NTRK3: variants seen among roughly 807,000 people sequenced by gnomAD.
NTRK3 encodes the protein neurotrophic receptor tyrosine kinase 3, also known as NT-3 growth factor receptor.
Under a neutral mutation model 91.7 loss-of-function variants are expected in NTRK3, and 24 were observed. The observed-to-expected ratio is 0.26, with a 90% CI of 0.19 to 0.37. NTRK3 has a LOEUF of 0.37. Among genes scored for constraint, NTRK3 ranks in the 10% least tolerant of loss-of-function variants. The pLI is 1.00. For missense variants in NTRK3, 880 were observed against 1,068.9 expected (o/e 0.82, Z 2.46); for synonymous variants, 483 against 404.0 (o/e 1.20, Z -2.34).
At chr15:87,934,237 C>T (rs2069067954) in intron 15 of NTRK3, among the ~76,000 whole-genome samples, 1 of 152,212 alleles carries the variant, frequency 6.6e-6, no homozygotes, top group Non-Finnish European at 1.5e-5. Context: ...AGCCTCTCCA[C>T]CCTCCCTATG....
intron 17 of NTRK3, among the ~76,000 whole-genome samples, chr15:87,921,474 G>C (rs1050599381): frequency 6.6e-6 from 1 of 152,120 alleles, no homozygotes; most frequent in African/African-American, 2.4e-5. Flanking sequence ...AGTTAAGCTA[G>C]GGGTCAAGCC....
chr15:87,917,181 C>T (rs1046197666), intron 17 of NTRK3, among the ~76,000 whole-genome samples: 2 of 152,186 alleles, frequency 1.3e-5, no homozygotes, highest in African/African-American at 2.4e-5. Flanking sequence ...ACATACTTAC[C>T]TTGTAGCAGG....
intron 13 of NTRK3, among the ~76,000 whole-genome samples, chr15:88,080,561 G>A (rs2047952227): frequency 1.3e-5 from 2 of 152,204 alleles, no homozygotes; most frequent in Admixed American, 6.5e-5. Flanking sequence ...AGAGCCCAAA[G>A]GCAACTGGCA....
chr15:88,198,061 T>A (rs2047982186), intron 3 of NTRK3, among the ~76,000 whole-genome samples: 1 of 152,188 alleles, frequency 6.6e-6, no homozygotes, highest in African/African-American at 2.4e-5. Context: ...CCCTAGCACA[T>A]TCCCTGAAAT....
chr15:88,108,136 C>A (rs1217776257), intron 13 of NTRK3, among the ~76,000 whole-genome samples: 2 of 152,160 alleles, frequency 1.3e-5, no homozygotes, highest in East Asian at 1.9e-4. Context: ...GAAAGATATG[C>A]CATTCTCTTA....
At chr15:87,902,005 T>G (rs2141658308) in intron 17 of NTRK3, among the ~76,000 whole-genome samples, 2 of 152,352 alleles carry the variant, frequency 1.3e-5, no homozygotes, top group East Asian at 3.9e-4. Context: ...TGGCACATTT[T>G]GGACAATGTG....
At chr15:88,178,656 T>C (rs949507613) in intron 5 of NTRK3, among the ~76,000 whole-genome samples, 2 of 152,230 alleles carry the variant, frequency 1.3e-5, no homozygotes, top group African/African-American at 4.8e-5. Flanking sequence ...AAATAAATTC[T>C]CTTGGCTTGC....
chr15:87,872,606 C>T (rs1204462976), exon 19 of NTRK3: 7 of 231,420 alleles, frequency 3.0e-5, no homozygotes, highest in East Asian at 2.4e-4. Flanking sequence ...CCTGGTGAAA[C>T]GCAGGCAAGT....
chr15:88,108,129 A>G (rs561083825), intron 13 of NTRK3, among the ~76,000 whole-genome samples: 4 of 152,300 alleles, frequency 2.6e-5, no homozygotes, highest in African/African-American at 9.6e-5. Context: ...AGGTTCTGAA[A>G]GATATGCCAT....
At chr15:87,905,005 G>A (rs186897108) in intron 17 of NTRK3, among the ~76,000 whole-genome samples, 1 of 152,296 alleles carries the variant, frequency 6.6e-6, no homozygotes, top group African/African-American at 2.4e-5. Context: ...GGGGAAACTA[G>A]ACAAGGGTCC....
In NTRK3 at chr15:88,040,439, G is replaced by C. The variant is rs146722700; in HGVS notation, c.1397-7394C>G. On this transcript the variant is annotated intron_variant, in intron 13 of 18. Transcript: ENST00000394480. Reference sequence around the variant, plus strand: ...AGGGTTCATAATGCAGAAAGAGAGGGGGAAAGAGGTGGGTCACAAAAAATG... The same window carrying C: ...AGGGTTCATAATGCAGAAAGAGAGGCGGAAAGAGGTGGGTCACAAAAAATG... Among the ~76,000 whole-genome samples the C allele has an allele frequency of 2.9e-3, 442 of 152,310 alleles. 1 individual carries two copies. Among genetic ancestry groups the C allele is most frequent in the African/African-American group, 9.8e-3 (409 of 41,574 alleles).
At chr15:88,182,933 T>C in intron 5 of NTRK3, among the ~76,000 whole-genome samples, 1 of 152,060 alleles carries the variant, frequency 6.6e-6, no homozygotes, top group Non-Finnish European at 1.5e-5. Flanking sequence ...TGTTTCCACT[T>C]CTCTGAGCTT....
At chr15:88,080,634 G>T (rs2047958138) in intron 13 of NTRK3, among the ~76,000 whole-genome samples, 1 of 152,212 alleles carries the variant, frequency 6.6e-6, no homozygotes, top group Admixed American at 6.5e-5. Context: ...TCACTTACAG[G>T]AAGTCCCAGT....
chr15:87,862,139 A>G (rs1364235589), exon 19 of NTRK3: 2 of 218,788 alleles, frequency 9.1e-6, no homozygotes, highest in Non-Finnish European at 1.8e-5. Context: ...TCTTCATACA[A>G]ATAATCTAGA....
intron 14 of NTRK3, among the ~76,000 whole-genome samples, chr15:87,986,235 A>G (rs994977105): frequency 2.0e-5 from 3 of 152,174 alleles, no homozygotes; most frequent in Non-Finnish European, 4.4e-5. Flanking sequence ...TATTCAGTAT[A>G]TTTTTTCCTG....
At chr15:88,066,634 G>A (rs1395944701) in intron 13 of NTRK3, among the ~76,000 whole-genome samples, 1 of 152,204 alleles carries the variant, frequency 6.6e-6, no homozygotes, top group Non-Finnish European at 1.5e-5. Flanking sequence ...ACATATGAGT[G>A]AGTGCCTCTC....
intron 13 of NTRK3, among the ~76,000 whole-genome samples, chr15:88,068,074 ACATAAC>A (rs1304453672): frequency 3.9e-5 from 6 of 152,306 alleles, no homozygotes; most frequent in Admixed American, 3.9e-4. Flanking sequence ...TAATGACTAA[ACATAAC>A]TACCTAGACT....
chr15:87,970,357 G>C (rs991391162), intron 14 of NTRK3, among the ~76,000 whole-genome samples: 2 of 152,194 alleles, frequency 1.3e-5, no homozygotes, highest in Non-Finnish European at 2.9e-5. Context: ...TCAGCAACCA[G>C]AATTTTTTCT....
intron 14 of NTRK3, among the ~76,000 whole-genome samples, chr15:87,949,418 C>G (rs566173398): frequency 1.3e-5 from 2 of 152,108 alleles, no homozygotes; most frequent in East Asian, 3.9e-4. Context: ...CACGTGTGCA[C>G]CCTTAGGCTA....
Sources: allele counts gnomAD v4.1 joint callset (sites outside exome capture counted in the v4.1 genomes callset), GRCh38; gene constraint gnomAD v4.1.1; transcripts MANE v1.5; gene names NCBI Gene and HGNC (gene_info 2026-07-23, HGNC 2026-07-21).